Variants in MPP7 observed in about 807,000 individuals in gnomAD.
The protein encoded by MPP7 is MAGUK p55 subfamily member 7.
In MPP7, 60 loss-of-function variants were observed where a neutral mutation model predicts 76.5. That is an observed-to-expected ratio of 0.78 (90% CI 0.64 to 0.97). The LOEUF is 0.97. MPP7 is among the 50% of genes least tolerant of loss of function. The pLI is 0.00. For synonymous variants in MPP7, 237 were observed against 244.5 expected (o/e 0.97, Z 0.29); for missense variants, 641 against 694.0 (o/e 0.92, Z 0.86).
chr10:28,209,782 A>G (rs1838071452), intron 2 of MPP7, among the ~76,000 whole-genome samples: 1 of 152,168 alleles, frequency 6.6e-6, no homozygotes, highest in African/African-American at 2.4e-5. Context: ...GGTTAATTTT[A>G]TGTGTTAATT....
At chr10:28,329,728 C>T (rs111468386) in intron 2 of MPP7, among the ~76,000 whole-genome samples, 3 of 151,456 alleles carry the variant, frequency 2.0e-5, no homozygotes, top group African/African-American at 4.8e-5. Flanking sequence ...AAAATTGAGT[C>T]GCATTTGTAG....
chr10:28,315,436 G>A (rs960047833), intron 2 of MPP7, among the ~76,000 whole-genome samples: 2 of 152,118 alleles, frequency 1.3e-5, no homozygotes, highest in East Asian at 1.9e-4. Flanking sequence ...CTGAAGCAGA[G>A]CGTTGTGCCC....
chr10:28,205,066 TC>T (rs937084936), intron 2 of MPP7, among the ~76,000 whole-genome samples: 2 of 152,156 alleles, frequency 1.3e-5, no homozygotes, highest in Non-Finnish European at 2.9e-5. Flanking sequence ...CTAACTAATA[TC>T]CCACCACAGT....
chr10:28,298,595 A>T (rs1055613843), intron 1 of MPP7, among the ~76,000 whole-genome samples: 12 of 152,192 alleles, frequency 7.9e-5, no homozygotes, highest in African/African-American at 2.9e-4. Context: ...ACGCTTAACA[A>T]TTTTTGGAAT....
chr10:28,245,444 A>T (rs533824458), intron 1 of MPP7, among the ~76,000 whole-genome samples: 4 of 152,266 alleles, frequency 2.6e-5, no homozygotes, highest in African/African-American at 9.6e-5. Context: ...TCCAAGTCAG[A>T]GTCACCTCAT....
At chr10:28,247,058 C>T (rs1467188411) in intron 1 of MPP7, among the ~76,000 whole-genome samples, 1 of 152,150 alleles carries the variant, frequency 6.6e-6, no homozygotes, top group Non-Finnish European at 1.5e-5. Flanking sequence ...ATATACTGCT[C>T]ATTTACAAAT....
intron 5 of MPP7, among the ~76,000 whole-genome samples, chr10:28,142,354 G>A (rs1342586079): frequency 6.6e-6 from 1 of 152,118 alleles, no homozygotes; most frequent in African/African-American, 2.4e-5. Context: ...CTCAATGAAA[G>A]CCTGCTATAC....
intron 1 of MPP7, among the ~76,000 whole-genome samples, chr10:28,288,521 A>G (rs958200763): frequency 2.0e-5 from 3 of 152,184 alleles, no homozygotes; most frequent in Admixed American, 6.5e-5. Flanking sequence ...GATTGCAGGA[A>G]TGAGCCACCA....
Position 28,058,498 on chromosome 10 carries a change from A to G in MPP7, c.1404T>C (p.Pro468=). ...KNKVCLLDVQ[P]HTVKHLRTLE... ...GAATAGCTCATTGTTTACTTACATG[A>G]GGCTGAACATCCAACAAACAAACTT... The change falls in exon 15 of 17, where the codon CCT becomes CCC. Residue 468 remains proline, a synonymous_variant. Coordinates refer to ENST00000683449, the MANE Select transcript of MPP7 (RefSeq NM_001318170.2). 6.3e-7 allele frequency: 1 copy of G among 1,585,480 alleles called. No individual in the cohort carries two copies. Among genetic ancestry groups the G allele is most frequent in the East Asian group, 2.3e-5 (1 of 44,360 alleles).
At chr10:28,097,183 T>C (rs1853610903) in intron 11 of MPP7, among the ~76,000 whole-genome samples, 1 of 152,062 alleles carries the variant, frequency 6.6e-6, no homozygotes, top group South Asian at 2.1e-4. Context: ...TTTGTAGAGA[T>C]GGAGACTCAC....
chr10:28,141,589 T>C (rs1277671520), intron 5 of MPP7, among the ~76,000 whole-genome samples: 2 of 152,168 alleles, frequency 1.3e-5, no homozygotes, highest in Non-Finnish European at 2.9e-5. Flanking sequence ...AATTAATTTA[T>C]ACATATGTGT....
intron 11 of MPP7, among the ~76,000 whole-genome samples, chr10:28,090,873 T>TCTATA (rs1853263407): frequency 6.6e-6 from 1 of 152,196 alleles, no homozygotes; most frequent in Non-Finnish European, 1.5e-5. Context: ...CCAGCCACGG[T>TCTATA]GGCTCATGCC....
At chr10:28,232,751 G>T (rs79977276) in intron 2 of MPP7, among the ~76,000 whole-genome samples, 2 of 152,098 alleles carry the variant, frequency 1.3e-5, no homozygotes, top group Non-Finnish European at 2.9e-5. Flanking sequence ...GTAGTCTGAC[G>T]TAGGAGTCAT....
intron 3 of MPP7, among the ~76,000 whole-genome samples, chr10:28,183,957 G>A (rs1837142196): frequency 2.0e-5 from 3 of 152,064 alleles, no homozygotes; most frequent in African/African-American, 7.2e-5. Flanking sequence ...GACTTAATAT[G>A]TTCCAGACAA....
At chr10:28,075,957 A>G (rs1480775571) in intron 12 of MPP7, among the ~76,000 whole-genome samples, 2 of 152,240 alleles carry the variant, frequency 1.3e-5, no homozygotes, top group Admixed American at 6.5e-5. Flanking sequence ...ATTATACTCA[A>G]TAATGATGCT....
intron 3 of MPP7, among the ~76,000 whole-genome samples, chr10:28,197,602 CAAA>C (rs1206691770): frequency 6.6e-5 from 10 of 152,250 alleles, no homozygotes; most frequent in African/African-American, 2.4e-4. Flanking sequence ...TAAAAAGCTC[CAAA>C]TGAGGCCTAT....
intron 5 of MPP7, among the ~76,000 whole-genome samples, chr10:28,144,037 A>G (rs1835621929): frequency 6.6e-6 from 1 of 152,064 alleles, no homozygotes; most frequent in South Asian, 2.1e-4. Flanking sequence ...GGCACCTGCC[A>G]CCGCCACCAT....
intron 2 of MPP7, among the ~76,000 whole-genome samples, chr10:28,232,080 G>A (rs1354129941): frequency 6.6e-6 from 1 of 152,130 alleles, no homozygotes; most frequent in Non-Finnish European, 1.5e-5. Flanking sequence ...TGTAAGGCCA[G>A]GCACAATAGC....
intron 6 of MPP7, among the ~76,000 whole-genome samples, chr10:28,125,313 C>T (rs1834984048): frequency 6.6e-6 from 1 of 152,106 alleles, no homozygotes. Flanking sequence ...AGGGTTTCAG[C>T]CCAATTTAAG....
Sources: gnomAD v4.1 joint callset for allele counts (sites outside exome capture counted in the v4.1 genomes callset) on GRCh38, gnomAD v4.1.1 for gene constraint, MANE v1.5 for transcripts, NCBI Gene and HGNC (gene_info 2026-07-23, HGNC 2026-07-21) for gene names.